Variants in FOXP1 observed in about 807,000 individuals in gnomAD.
FOXP1 encodes forkhead box protein P1.
In FOXP1, 15 loss-of-function variants were observed where a neutral mutation model predicts 98.2. The observed-to-expected ratio is 0.15, with a 90% CI of 0.10 to 0.24. The LOEUF (loss-of-function observed/expected upper bound fraction) is 0.24. Among genes scored for constraint, FOXP1 ranks in the 10% least tolerant of loss-of-function variants. The pLI is 1.00. For missense variants in FOXP1, 633 were observed against 848.5 expected (o/e 0.75, Z 3.15); for synonymous variants, 371 against 314.5 (o/e 1.18, Z -1.90).
chr3:71,386,927 C>T (rs1560409728), intron 3 of FOXP1, among the ~76,000 whole-genome samples: 1 of 152,016 alleles, frequency 6.6e-6, no homozygotes. Context: ...ATTTGAGGTT[C>T]TCCATCTTAC....
intron 6 of FOXP1, chr3:71,130,584 T>G: frequency 1.3e-6 from 2 of 1,598,450 alleles, no homozygotes; most frequent in Non-Finnish European, 1.7e-6. Flanking sequence ...TCTGGCTGTT[T>G]CTGCGAAGCG....
chr3:71,295,564 T>TA (rs149516193), intron 5 of FOXP1, among the ~76,000 whole-genome samples: 13 of 149,704 alleles, frequency 8.7e-5, no homozygotes, highest in South Asian at 4.2e-4. Context: ...AACCTGACTT[T>TA]AAAAAAAAAA....
intron 11 of FOXP1, among the ~76,000 whole-genome samples, chr3:71,031,123 C>T (rs1170067435): frequency 1.3e-5 from 2 of 152,176 alleles, no homozygotes; most frequent in Non-Finnish European, 2.9e-5. Flanking sequence ...CTTCAGGTTT[C>T]CTCTTTCCTT....
chr3:71,553,462 C>G (rs1240481883), intron 2 of FOXP1, among the ~76,000 whole-genome samples: 1 of 152,156 alleles, frequency 6.6e-6, no homozygotes, highest in Non-Finnish European at 1.5e-5. Flanking sequence ...CTTCCAAATA[C>G]AGTTACAGAA....
At chr3:71,078,647 C>CTTT (rs2054076526) in intron 7 of FOXP1, among the ~76,000 whole-genome samples, 1 of 151,744 alleles carries the variant, frequency 6.6e-6, no homozygotes, top group South Asian at 2.1e-4. Flanking sequence ...TGGAAGGGCA[C>CTTT]GAAAAGCAGT....
At chr3:71,238,295 G>T (rs1396234634) in intron 5 of FOXP1, among the ~76,000 whole-genome samples, 4 of 152,182 alleles carry the variant, frequency 2.6e-5, no homozygotes, top group Admixed American at 2.0e-4. Context: ...TTCCTCATTA[G>T]TAAGTAGGGA....
intron 7 of FOXP1, among the ~76,000 whole-genome samples, chr3:71,089,789 T>C (rs1395049568): frequency 6.6e-6 from 1 of 152,220 alleles, no homozygotes; most frequent in African/African-American, 2.4e-5. Context: ...GCTGGGCCAC[T>C]ATAGCGTGCT....
chr3:71,530,714 GACA>G (rs1201751695), intron 2 of FOXP1, among the ~76,000 whole-genome samples: 3 of 152,192 alleles, frequency 2.0e-5, no homozygotes, highest in African/African-American at 4.8e-5. Context: ...TAACGTTCAT[GACA>G]ACAAGGTAGG....
intron 14 of FOXP1, among the ~76,000 whole-genome samples, chr3:70,984,032 T>C (rs979090055): frequency 1.3e-5 from 2 of 152,152 alleles, no homozygotes; most frequent in Non-Finnish European, 2.9e-5. Flanking sequence ...CAGTTTACTA[T>C]TGTTTGTTTT....
At chr3:71,097,691 C>T (rs755306190) in intron 7 of FOXP1, among the ~76,000 whole-genome samples, 113 of 152,112 alleles carry the variant, frequency 7.4e-4, no homozygotes, top group Non-Finnish European at 7.5e-4. Context: ...TTATAAATTA[C>T]AGCACACGGG....
In FOXP1 at chr3:71,522,199, T is replaced by G. The variant is rs1284137428; in HGVS notation, c.-297-28644A>C. On this transcript the variant is annotated intron_variant, in intron 2 of 20. Coordinates refer to ENST00000649528, the MANE Select transcript of FOXP1 (RefSeq NM_001349338.3). ...GAGCTCCCTGTGGGCAGCTGCCCAA[T>G]GACAGAGGCAAGGGTCCCTGGGCTC... Among the ~76,000 whole-genome samples, 5 of 152,152 alleles carry G rather than the reference T, an allele frequency of 3.3e-5. No individual in the cohort carries two copies. In the East Asian group the frequency reaches 9.6e-4, roughly 29 times the overall value.
intron 2 of FOXP1, among the ~76,000 whole-genome samples, chr3:71,519,162 CTGGAA>C (rs2042795348): frequency 6.6e-6 from 1 of 152,202 alleles, no homozygotes; most frequent in African/African-American, 2.4e-5. Context: ...AGGAGAATCA[CTGGAA>C]CCCAGGAGGC....
chr3:71,137,774 C>CTATT (rs143247862), intron 6 of FOXP1, among the ~76,000 whole-genome samples: 2,397 of 140,664 alleles, frequency 0.017, 67 homozygotes, highest in African/African-American at 0.048. Flanking sequence ...AAAGATAATT[C>CTATT]TATTTATTTA....
At chr3:71,323,272 A>C (rs1408321579) in intron 4 of FOXP1, among the ~76,000 whole-genome samples, 1 of 152,174 alleles carries the variant, frequency 6.6e-6, no homozygotes, top group African/African-American at 2.4e-5. Flanking sequence ...GTCAGGGTTG[A>C]AAACCAGTGG....
chr3:70,982,768 C>T (rs2039085580), intron 14 of FOXP1, among the ~76,000 whole-genome samples: 2 of 151,620 alleles, frequency 1.3e-5, no homozygotes, highest in South Asian at 4.2e-4. Flanking sequence ...GATGATGAGT[C>T]ACTCACATTA....
intron 1 of FOXP1, chr3:71,582,065 A>T: frequency 2.1e-6 from 2 of 960,286 alleles, no homozygotes; most frequent in Non-Finnish European, 2.4e-6. Flanking sequence ...AGGGGGCGGG[A>T]GCTGCGCGGG....
At chr3:71,063,982 T>G (rs1220251383) in intron 7 of FOXP1, among the ~76,000 whole-genome samples, 1 of 152,182 alleles carries the variant, frequency 6.6e-6, no homozygotes, top group Admixed American at 6.5e-5. Flanking sequence ...CCGTCCTTCA[T>G]GCAGTTCTGA....
intron 2 of FOXP1, among the ~76,000 whole-genome samples, chr3:71,522,135 G>A (rs2043040009): frequency 6.6e-6 from 1 of 152,156 alleles, no homozygotes; most frequent in Non-Finnish European, 1.5e-5. Flanking sequence ...CCTTGGGCCT[G>A]CCAAGAGTTC....
intron 3 of FOXP1, among the ~76,000 whole-genome samples, chr3:71,422,719 C>T (rs1047356077): frequency 6.6e-6 from 1 of 152,174 alleles, no homozygotes; most frequent in African/African-American, 2.4e-5. Context: ...CTGTACAGCT[C>T]CCACACTTCA....
Sources: allele counts gnomAD v4.1 joint callset (sites outside exome capture counted in the v4.1 genomes callset), GRCh38; gene constraint gnomAD v4.1.1; transcripts MANE v1.5; gene names NCBI Gene and HGNC (gene_info 2026-07-23, HGNC 2026-07-21).